The following NPAS3 variants were observed in gnomAD, a reference collection of about 807,000 sequenced individuals.
NPAS3 encodes the protein neuronal PAS domain-containing protein 3.
In NPAS3, 14 loss-of-function variants were observed where a neutral mutation model predicts 73.1. The observed-to-expected ratio is 0.19, with a 90% CI of 0.13 to 0.30. NPAS3 has a LOEUF of 0.30. Ranked by LOEUF, NPAS3 falls within the 10% of genes least tolerant of loss-of-function variation. The probability of loss-of-function intolerance (pLI) is 1.00; values close to 1 mark genes in which losing one functional copy is unlikely to be tolerated. For missense variants in NPAS3, 1,096 were observed against 1,250.0 expected, an observed-to-expected ratio of 0.88 and a Z score of 1.86; for synonymous variants, 620 against 541.5, an observed-to-expected ratio of 1.14 and a Z score of -2.01.
intron 6 of NPAS3, among the ~76,000 whole-genome samples, chr14:33,712,472 T>C (rs1274819065): frequency 1.3e-5 from 2 of 152,224 alleles, no homozygotes; most frequent in East Asian, 3.8e-4. Context: ...AAGGCAACTG[T>C]CTCCACAAAG....
chr14:33,514,324 T>C (rs1282478323), intron 4 of NPAS3, among the ~76,000 whole-genome samples: 1 of 151,990 alleles, frequency 6.6e-6, no homozygotes, highest in Admixed American at 6.6e-5. Flanking sequence ...CCCTCTCAAG[T>C]AGATAAACAG....
chr14:33,563,537 C>CACACAGAGAG, intron 5 of NPAS3, among the ~76,000 whole-genome samples: 4 of 119,652 alleles, frequency 3.3e-5, no homozygotes, highest in Non-Finnish European at 6.8e-5. Flanking sequence ...CACACACACA[C>CACACAGAGAG]AGAGAGAGAG....
At chr14:33,639,112 A>G (rs1271189608) in intron 5 of NPAS3, among the ~76,000 whole-genome samples, 1 of 152,146 alleles carries the variant, frequency 6.6e-6, no homozygotes, top group Non-Finnish European at 1.5e-5. Flanking sequence ...TTTAAGGAAA[A>G]CCACCTTAGA....
rs116340048 is a variant in NPAS3, at chr14:33,135,834, G to A, written c.141-79348G>A. On this transcript the variant is annotated intron_variant, in intron 2 of 11. Coordinates refer to ENST00000356141, the Ensembl canonical transcript of NPAS3. Reference sequence around the variant, plus strand: ...AGCCAGTTCCAGCAGCCAATGCTCCGTTGAAAAGAAATGATTGGTAGTCCA... The same window carrying A: ...AGCCAGTTCCAGCAGCCAATGCTCCATTGAAAAGAAATGATTGGTAGTCCA... Among the ~76,000 whole-genome samples, 367 of 152,240 alleles carry A rather than the reference G, an allele frequency of 2.4e-3. 2 individuals are homozygous for A. The highest frequency in any genetic ancestry group is 8.4e-3 in the African/African-American group (348 of 41,540).
chr14:33,019,163 G>A (rs193129989), intron 1 of NPAS3, among the ~76,000 whole-genome samples: 18 of 152,138 alleles, frequency 1.2e-4, no homozygotes, highest in African/African-American at 2.7e-4. Flanking sequence ...TTCGTACCTC[G>A]CCTCCCCACC....
chr14:33,582,149 T>G (rs892746395), intron 5 of NPAS3: 1 of 152,222 alleles, frequency 6.6e-6, no homozygotes, highest in African/African-American at 2.4e-5. Flanking sequence ...TTTGGACAAA[T>G]TGTTCTCCAG....
At chr14:33,621,378 A>G (rs532017043) in intron 5 of NPAS3, among the ~76,000 whole-genome samples, 2 of 152,302 alleles carry the variant, frequency 1.3e-5, no homozygotes, top group Non-Finnish European at 1.5e-5. Context: ...TGTAAAAATC[A>G]TATTAGATGA....
intron 9 of NPAS3, among the ~76,000 whole-genome samples, chr14:33,792,822 A>G (rs2063399084): frequency 6.6e-6 from 1 of 152,226 alleles, no homozygotes; most frequent in Admixed American, 6.5e-5. Flanking sequence ...GGAGGCAAGG[A>G]CATGCCAAAA....
intron 6 of NPAS3, among the ~76,000 whole-genome samples, chr14:33,696,155 T>C (rs574305937): frequency 1.3e-5 from 2 of 152,180 alleles, no homozygotes; most frequent in Admixed American, 1.3e-4. Flanking sequence ...GTTTTAGTAT[T>C]TTTCTATTCC....
At chr14:33,653,670 C>T (rs2059064003) in intron 5 of NPAS3, among the ~76,000 whole-genome samples, 1 of 152,220 alleles carries the variant, frequency 6.6e-6, no homozygotes, top group Admixed American at 6.5e-5. Flanking sequence ...GGGTCGTTGA[C>T]ACTGCCAAGG....
In NPAS3 at chr14:33,088,373, G is replaced by A. The variant is rs138798055; in HGVS notation, c.140+32379G>A. On this transcript the variant is annotated intron_variant, in intron 2 of 11. Coordinates refer to ENST00000356141, the Ensembl canonical transcript of NPAS3. ...GCTTTTCCAATGGTCTTAGCAAACA[G>A]CACACCAGGAGATTATATCCCGTGC... Among the ~76,000 whole-genome samples the A allele has an allele frequency of 6.1e-4, 93 of 152,326 alleles. No individual in the cohort carries two copies. In the East Asian group the frequency reaches 0.017, roughly 27 times the overall value.
intron 1 of NPAS3, among the ~76,000 whole-genome samples, chr14:32,976,837 C>T (rs1315392282): frequency 1.3e-5 from 2 of 152,152 alleles, no homozygotes; most frequent in African/African-American, 4.8e-5. Flanking sequence ...TCAGAAGAAT[C>T]AAGGTAACTT....
intron 3 of NPAS3, among the ~76,000 whole-genome samples, chr14:33,356,078 G>A (rs747053621): frequency 6.6e-6 from 1 of 152,136 alleles, no homozygotes; most frequent in East Asian, 1.9e-4. Flanking sequence ...ACAGTGCCTG[G>A]CACTGGGTAA....
At chr14:33,646,849 A>ATT (rs55915631) in intron 5 of NPAS3, among the ~76,000 whole-genome samples, 2 of 150,634 alleles carry the variant, frequency 1.3e-5, no homozygotes, top group South Asian at 4.2e-4. Context: ...TATTTATAAC[A>ATT]TTTTTTTTTT....
chr14:33,125,298 T>C (rs183100529), intron 2 of NPAS3, among the ~76,000 whole-genome samples: 34 of 152,220 alleles, frequency 2.2e-4, no homozygotes, highest in Non-Finnish European at 4.7e-4. Context: ...CTCTGAAGTG[T>C]AACGGAATTT....
chr14:33,703,713 C>G lies in NPAS3; in HGVS notation c.733+27328C>G, dbSNP rs372843393. On this transcript the variant is annotated intron_variant, in intron 6 of 11. Transcript: ENST00000356141. The stretch of plus-strand genomic sequence containing the variant: ...TAATAATAGCAACAAATAGGGAGAA[C>G]TTCCTATGTGCCAGGCCATATACAT... 1.1e-4 allele frequency among the ~76,000 whole-genome samples: 16 copies of G among 152,194 alleles called. No homozygotes were observed. In the East Asian group the frequency reaches 2.1e-3, roughly 20 times the overall value.
intron 1 of NPAS3, among the ~76,000 whole-genome samples, chr14:33,010,252 T>C (rs2039144007): frequency 6.6e-6 from 1 of 152,186 alleles, no homozygotes; most frequent in African/African-American, 2.4e-5. Flanking sequence ...GTGGAGAACG[T>C]CCCTACAGAT....
rs1389205755 is a variant in NPAS3, at chr14:33,686,351, G to A, written c.733+9966G>A. On this transcript the variant is annotated intron_variant, in intron 6 of 11. Coordinates refer to ENST00000356141, the Ensembl canonical transcript of NPAS3. ...CCAGGGTAAAGAATCTAAGATCCGT[G>A]TGCTAAGTTCTGAGTATGACTCATT... Among the ~76,000 whole-genome samples, 7 of 152,322 alleles carry A rather than the reference G, an allele frequency of 4.6e-5. No individual in the cohort carries two copies. The South Asian group carries it at 6.2e-4, about 14-fold the overall frequency.
chr14:33,496,609 A>T (rs1330284927), intron 4 of NPAS3, among the ~76,000 whole-genome samples: 1 of 152,220 alleles, frequency 6.6e-6, no homozygotes. Flanking sequence ...CCACATGATT[A>T]TCTCAATAGA....
Sources: gnomAD v4.1 joint callset for allele counts (sites outside exome capture counted in the v4.1 genomes callset) on GRCh38, gnomAD v4.1.1 for gene constraint, MANE v1.5 for transcripts, NCBI Gene and HGNC (gene_info 2026-07-23, HGNC 2026-07-21) for gene names.